The following TLK1 variants were observed in gnomAD, a reference collection of about 807,000 sequenced individuals.
The protein encoded by TLK1 is tousled like kinase 1, also known as serine/threonine-protein kinase tousled-like 1.
TLK1 carries 24 observed loss-of-function variants against 105.3 expected under a neutral mutation model. The observed-to-expected ratio is 0.23, with a 90% CI of 0.17 to 0.32. The LOEUF is 0.32. Ranked by LOEUF, TLK1 falls within the 10% of genes least tolerant of loss-of-function variation. The pLI is 1.00. For synonymous variants in TLK1, 321 were observed against 310.4 expected, an observed-to-expected ratio of 1.03 and a Z score of -0.36; for missense variants, 558 against 910.5, an observed-to-expected ratio of 0.61 and a Z score of 4.98.
chr2:171,163,566 T>G (rs1468035485), upstream of TLK1, among the ~76,000 whole-genome samples: 1 of 152,180 alleles, frequency 6.6e-6, no homozygotes, highest in Non-Finnish European at 1.5e-5. Flanking sequence ...AGAAAGAGGT[T>G]AGAGTCACTG....
At chr2:171,183,893 CTCCACAGAGTTG>C (rs977819110) in intron 1 of TLK1, among the ~76,000 whole-genome samples, 1 of 152,098 alleles carries the variant, frequency 6.6e-6, no homozygotes, top group Admixed American at 6.6e-5. Context: ...AGAATAATGG[CTCCACAGAGTTG>C]TCCATGCCAT....
intron 3 of TLK1, among the ~76,000 whole-genome samples, chr2:171,075,638 A>C (rs1403279839): frequency 2.0e-5 from 3 of 152,196 alleles, no homozygotes; most frequent in Non-Finnish European, 4.4e-5. Context: ...ATTAATTATT[A>C]AAAATGATGT....
At chr2:171,145,198 C>A (rs1340282455) in intron 1 of TLK1, among the ~76,000 whole-genome samples, 1 of 151,940 alleles carries the variant, frequency 6.6e-6, no homozygotes, top group African/African-American at 2.4e-5. Flanking sequence ...GTCCTAGCTA[C>A]TGGAAAGGCT....
chr2:171,024,962 GA>G (rs1220736428), intron 12 of TLK1, among the ~76,000 whole-genome samples: 4 of 151,788 alleles, frequency 2.6e-5, no homozygotes, highest in Non-Finnish European at 1.5e-5. Context: ...CAGTTGAGAG[GA>G]AAAAAAGTGA....
intron 1 of TLK1, among the ~76,000 whole-genome samples, chr2:171,132,758 C>G (rs1691154595): frequency 6.6e-6 from 1 of 152,140 alleles, no homozygotes; most frequent in African/African-American, 2.4e-5. Context: ...CCCAACTACT[C>G]AAGAGATTGA....
intron 18 of TLK1, among the ~76,000 whole-genome samples, chr2:171,005,282 T>C (rs1183355317): frequency 6.6e-6 from 1 of 152,262 alleles, no homozygotes; most frequent in Non-Finnish European, 1.5e-5. Context: ...TGTGAACACG[T>C]AGGTATACTG....
chr2:171,013,318 CTTTTTTTT>C (rs774923512), intron 13 of TLK1, among the ~76,000 whole-genome samples: 4 of 74,136 alleles, frequency 5.4e-5, no homozygotes, highest in Admixed American at 2.8e-4. Context: ...TGGCCCCTCA[CTTTTTTTT>C]TTTTTTTTTT....
intron 5 of TLK1, among the ~76,000 whole-genome samples, chr2:171,057,294 C>T (rs1022673666): frequency 6.6e-6 from 1 of 152,028 alleles, no homozygotes; most frequent in Non-Finnish European, 1.5e-5. Flanking sequence ...CTTACATGAA[C>T]AGCACAGATA....
chr2:171,012,447 A>G (rs1468691753), intron 13 of TLK1, among the ~76,000 whole-genome samples: 1 of 152,194 alleles, frequency 6.6e-6, no homozygotes, highest in Admixed American at 6.5e-5. Context: ...AAAAAAAGTC[A>G]GCTTTGCAAT....
chr2:171,139,785 T>C (rs1046307383), intron 1 of TLK1, among the ~76,000 whole-genome samples: 1 of 112,354 alleles, frequency 8.9e-6, no homozygotes, highest in African/African-American at 3.6e-5. Flanking sequence ...GCCAGTTTCA[T>C]GGAAGACAAT....
At chr2:171,198,909 A>T (rs1693328376) in intron 1 of TLK1, among the ~76,000 whole-genome samples, 1 of 152,256 alleles carries the variant, frequency 6.6e-6, no homozygotes, top group South Asian at 2.1e-4. Flanking sequence ...ATAGATTCAA[A>T]TGAACAAAGC....
intron 11 of TLK1, among the ~76,000 whole-genome samples, chr2:171,043,038 G>T (rs1057210972): frequency 2.6e-5 from 4 of 151,936 alleles, no homozygotes; most frequent in African/African-American, 4.8e-5. Context: ...AAAAACCAAG[G>T]TCCTACACTA....
chr2:171,026,852 A>G (rs1448485559), intron 12 of TLK1, among the ~76,000 whole-genome samples: 1 of 152,092 alleles, frequency 6.6e-6, no homozygotes, highest in Non-Finnish European at 1.5e-5. Flanking sequence ...AGCTCCATCT[A>G]TTATTATAGA....
intron 2 of TLK1, among the ~76,000 whole-genome samples, chr2:171,110,620 G>A (rs1452343482): frequency 6.6e-6 from 1 of 152,066 alleles, no homozygotes; most frequent in Non-Finnish European, 1.5e-5. Context: ...GACTCAAAAA[G>A]GTACATATTG....
At chr2:171,060,999 A>C in intron 4 of TLK1, 82 bp downstream of exon 4, 4 of 1,320,494 alleles carry the variant, frequency 3.0e-6, no homozygotes, top group Non-Finnish European at 4.2e-6. Flanking sequence ...TTATTTTACA[A>C]TTAGAGTATT....
rs111733888 is a variant in TLK1, at chr2:171,159,087, T to C, written c.139+1203A>G. ...ACTTGATTAACACTTGTCAAGGCTC[T>C]GACTAGCAAATATCGACAGATATTT... On this transcript the variant is annotated intron_variant, in intron 1 of 20. Transcript: ENST00000431350. Among the ~76,000 whole-genome samples, 808 of 152,348 alleles carry C rather than the reference T, an allele frequency of 5.3e-3. 8 individuals carry two copies. The highest frequency in any genetic ancestry group is 0.018 in the African/African-American group (749 of 41,580).
chr2:171,022,026 C>T (rs1208996278), intron 12 of TLK1, among the ~76,000 whole-genome samples: 1 of 151,392 alleles, frequency 6.6e-6, no homozygotes, highest in African/African-American at 2.4e-5. Flanking sequence ...TCGATTGAAC[C>T]TGGGAAGCGG....
intron 1 of TLK1, among the ~76,000 whole-genome samples, chr2:171,147,342 G>C (rs1391208834): frequency 6.6e-6 from 1 of 152,174 alleles, no homozygotes. Context: ...GAAAACAACA[G>C]TGACAACAGA....
intron 3 of TLK1, among the ~76,000 whole-genome samples, chr2:171,073,994 G>A (rs1166783939): frequency 6.6e-6 from 1 of 150,638 alleles, no homozygotes; most frequent in African/African-American, 2.4e-5. Context: ...AGGTTCAAGC[G>A]ATTCTCCTGT....
Sources: allele counts gnomAD v4.1 joint callset (sites outside exome capture counted in the v4.1 genomes callset), GRCh38; gene constraint gnomAD v4.1.1; transcripts MANE v1.5; gene names NCBI Gene and HGNC (gene_info 2026-07-23, HGNC 2026-07-21).